The following NAV1 variants were observed in gnomAD, a reference collection of about 807,000 sequenced individuals.
NAV1 encodes pore membrane and/or filament interacting like protein 3.
In NAV1, 18 loss-of-function variants were observed where a neutral mutation model predicts 175.2. The observed-to-expected ratio is 0.10, with a 90% CI of 0.07 to 0.15. The LOEUF is 0.15. Among genes scored for constraint, NAV1 ranks in the 10% least tolerant of loss-of-function variants. The probability of loss-of-function intolerance (pLI) is 1.00; values close to 1 mark genes in which losing one functional copy is unlikely to be tolerated. For synonymous variants in NAV1, 897 were observed against 978.7 expected, an observed-to-expected ratio of 0.92 and a Z score of 1.56; for missense variants, 1,731 against 2,436.6, an observed-to-expected ratio of 0.71 and a Z score of 6.10.
chr1:201,631,612 T>C (rs1010750322), intron 2 of NAV1, among the ~76,000 whole-genome samples: 2 of 152,372 alleles, frequency 1.3e-5, no homozygotes, highest in Admixed American at 1.3e-4. Flanking sequence ...CCCAGTGACC[T>C]GCCCCTATAG....
chr1:201,765,635 T>C (rs1244283497), intron 3 of NAV1, among the ~76,000 whole-genome samples: 2 of 152,136 alleles, frequency 1.3e-5, no homozygotes, highest in African/African-American at 4.8e-5. Context: ...GCTCAGGCGA[T>C]CCGCCCACTT....
In NAV1 at chr1:201,539,471, C is replaced by CT. The variant is rs1665437683; in HGVS notation, c.-144+129_-144+130insT. On this transcript the variant is annotated intron_variant, in intron 1 of 33. Coordinates refer to the NAV1 transcript ENST00000685211. The surrounding 1 kb of genome is among the most constrained non-coding windows in gnomAD (Gnocchi z 5.6). ...TCTCGGGGTAGGGGAGGTTGGTGCC[C>CT]GAGGGAGGCTGTGGGCTGGGCTCGG... Among the ~76,000 whole-genome samples, 2 of 152,026 alleles carry CT rather than the reference C, an allele frequency of 1.3e-5. No homozygotes were observed. The highest frequency in any genetic ancestry group is 2.4e-5 in the African/African-American group (1 of 41,394).
At chr1:201,746,231 G>A (rs1275507550) in intron 3 of NAV1, among the ~76,000 whole-genome samples, 1 of 152,182 alleles carries the variant, frequency 6.6e-6, no homozygotes, top group Non-Finnish European at 1.5e-5. Flanking sequence ...TTTTATCCAA[G>A]TGCAGCATAT....
chr1:201,746,954 C>T (rs1166381228), intron 3 of NAV1, among the ~76,000 whole-genome samples: 2 of 150,150 alleles, frequency 1.3e-5, no homozygotes, highest in African/African-American at 4.9e-5. Context: ...CAGTGAGCTC[C>T]AGTCATGCCA....
At position 201,539,128 on chromosome 1, in the gene NAV1, T is replaced by C. The variant is rs189251908; in HGVS notation, c.-358T>C. On this transcript the variant is annotated 5_prime_UTR_variant, in exon 1 of 34. Transcript: ENST00000685211. The surrounding 1 kb of genome is among the most constrained non-coding windows in gnomAD (Gnocchi z 5.6). Reference sequence around the variant, plus strand: ...GTTCAGGATGCCGCCTCCCTCCTCATTGTGGGGCCGGGGCCGGCGGCTGCC... The same window carrying C: ...GTTCAGGATGCCGCCTCCCTCCTCACTGTGGGGCCGGGGCCGGCGGCTGCC... 4.1e-3 allele frequency among the ~76,000 whole-genome samples: 623 copies of C among 152,176 alleles called. 5 individuals are homozygous for C. Among genetic ancestry groups the C allele is most frequent in the African/African-American group, 0.014 (596 of 41,574 alleles).
upstream of NAV1, among the ~76,000 whole-genome samples, chr1:201,620,140 C>T (rs2102273793): frequency 6.6e-6 from 1 of 152,260 alleles, no homozygotes; most frequent in East Asian, 1.9e-4. Flanking sequence ...TGTAACTGGT[C>T]CCAGACCACA....
intron 2 of NAV1, among the ~76,000 whole-genome samples, chr1:201,635,113 A>G (rs1322835740): frequency 6.6e-6 from 1 of 152,026 alleles, no homozygotes; most frequent in Non-Finnish European, 1.5e-5. Flanking sequence ...ATCTCAGCTC[A>G]CTGCAAGCTC....
intron 3 of NAV1, among the ~76,000 whole-genome samples, chr1:201,769,161 C>T (rs1038447958): frequency 6.6e-6 from 1 of 152,188 alleles, no homozygotes; most frequent in African/African-American, 2.4e-5. Context: ...CATGAGATAT[C>T]GCTGGCTGCA....
chr1:201,632,445 T>C (rs1391640453), intron 2 of NAV1, among the ~76,000 whole-genome samples: 1 of 152,246 alleles, frequency 6.6e-6, no homozygotes, highest in Non-Finnish European at 1.5e-5. Context: ...ACTGGTCCCA[T>C]CTGCTGACTC....
intron 2 of NAV1, among the ~76,000 whole-genome samples, chr1:201,598,510 C>CT (rs1667423080): frequency 3.3e-5 from 5 of 152,162 alleles, no homozygotes; most frequent in Non-Finnish European, 7.3e-5. Flanking sequence ...AAGTGTGTGT[C>CT]CTGGTGAGGA....
chr1:201,782,419 G>A lies in NAV1; in HGVS notation c.1907G>A (p.Gly636Asp). The change falls in exon 6 of 30, where the codon GGC (glycine) becomes GAC (aspartate). Residue 636 changes from glycine to aspartate, a missense_variant. Physicochemically the swap from Gly to Asp is moderately conservative, Grantham distance 94. This residue lies in a region of NAV1 where 634 missense variants were observed against 766.8 expected (regional missense o/e 0.83). Coordinates refer to ENST00000367296, the Ensembl canonical transcript of NAV1. The surrounding 1 kb of genome is among the most constrained non-coding windows in gnomAD (Gnocchi z 5.4). Reference sequence around the variant, plus strand: ...CTCAGCAAGATCCAGAAGTCCTCAGGCATCCCTGTCAAGCCAGTAAATGGG... The same window carrying A: ...CTCAGCAAGATCCAGAAGTCCTCAGACATCCCTGTCAAGCCAGTAAATGGG... The A allele has an allele frequency of 6.2e-7, 1 of 1,614,016 alleles. No individual in the cohort carries two copies.
intron 1 of NAV1, among the ~76,000 whole-genome samples, chr1:201,624,770 T>C (rs931939868): frequency 2.0e-5 from 3 of 152,218 alleles, no homozygotes; most frequent in Admixed American, 6.5e-5. Flanking sequence ...AGTATCTTCC[T>C]GACTAAACTA....
At chr1:201,646,022 A>G (rs377178544), upstream of NAV1, among the ~76,000 whole-genome samples, 29 of 152,322 alleles carry the variant, frequency 1.9e-4, no homozygotes, top group African/African-American at 7.0e-4. Flanking sequence ...TGCTTACTCA[A>G]AGATTTGGCA....
chr1:201,727,924 T>C (rs239991), intron 3 of NAV1, among the ~76,000 whole-genome samples: 133,660 of 152,162 alleles, frequency 0.88, 59,086 homozygotes, highest in Middle Eastern at 0.92. Context: ...TGAGAGGAAT[T>C]CCTGAGTTCG....
exon 7 of NAV1, chr1:201,783,550 G>A (rs1182237949): frequency 6.2e-7 from 1 of 1,613,990 alleles, no homozygotes; most frequent in Admixed American, 1.7e-5. Flanking sequence ...CAGCATCTGG[G>A]GGCCCTCTCC....
intron 1 of NAV1, among the ~76,000 whole-genome samples, chr1:201,540,990 A>AGGTGAAAGAGAACACCATTTCCG (rs1415813343): frequency 6.6e-6 from 1 of 152,234 alleles, no homozygotes; most frequent in Non-Finnish European, 1.5e-5. Flanking sequence ...AGAGAACACC[A>AGGTGAAAGAGAACACCATTTCCG]GGTGAAAGAG....
At chr1:201,571,864 A>G (rs1666553924) in intron 1 of NAV1, among the ~76,000 whole-genome samples, 1 of 152,240 alleles carries the variant, frequency 6.6e-6, no homozygotes, top group Admixed American at 6.5e-5. Context: ...TCACAGGGGA[A>G]GGGCACAAAC....
intron 1 of NAV1, among the ~76,000 whole-genome samples, chr1:201,577,280 GA>G (rs1465635219): frequency 6.6e-6 from 1 of 152,162 alleles, no homozygotes; most frequent in Non-Finnish European, 1.5e-5. Context: ...TTTACAGAAT[GA>G]AACATTTTAA....
intron 2 of NAV1, among the ~76,000 whole-genome samples, chr1:201,617,198 A>ATCTC (rs1191440624): frequency 4.2e-5 from 5 of 118,878 alleles, no homozygotes; most frequent in South Asian, 2.9e-4. Flanking sequence ...AGATTCCCCA[A>ATCTC]TCTCTCTGTC....
Sources: allele counts gnomAD v4.1 joint callset (sites outside exome capture counted in the v4.1 genomes callset), GRCh38; gene constraint gnomAD v4.1.1; regional missense constraint gnomAD v4.1.1; non-coding constraint Gnocchi (gnomAD v3.1); transcripts MANE v1.5; gene names NCBI Gene and HGNC (gene_info 2026-07-23, HGNC 2026-07-21).